Variants in MYO16 observed in about 807,000 individuals in gnomAD.
The protein encoded by MYO16 is unconventional myosin-XVI.
MYO16 carries 94 observed loss-of-function variants against 205.3 expected under a neutral mutation model. That is an observed-to-expected ratio of 0.46 (90% CI 0.39 to 0.54). The LOEUF is 0.54. Among genes scored for constraint, MYO16 ranks in the 20% least tolerant of loss-of-function variants. MYO16 has a pLI of 0.00. For missense variants in MYO16, 2,315 were observed against 2,387.5 expected (o/e 0.97, Z 0.63); for synonymous variants, 988 against 954.0 (o/e 1.04, Z -0.66).
At chr13:108,745,956 G>A (rs1885047127) in intron 4 of MYO16, among the ~76,000 whole-genome samples, 1 of 152,268 alleles carries the variant, frequency 6.6e-6, no homozygotes, top group East Asian at 1.9e-4. Context: ...GGGAGGCCGA[G>A]GCGGGCAGAT....
At position 108,832,633 on chromosome 13, in the gene MYO16, A is replaced by C. The variant is rs572396496; in HGVS notation, c.1097+9355A>C. On this transcript the variant is annotated intron_variant, in intron 9 of 34. Transcript: ENST00000457511. Reference sequence around the variant, plus strand: ...CCTTAAGTTCTACTTTCGCAGAATCAGAAAACTGTGGCATAAAATTTCTTG... The same window carrying C: ...CCTTAAGTTCTACTTTCGCAGAATCCGAAAACTGTGGCATAAAATTTCTTG... Among the ~76,000 whole-genome samples the C allele has an allele frequency of 1.2e-3, 176 of 152,300 alleles. 3 individuals are homozygous for C. Among genetic ancestry groups the C allele is most frequent in the African/African-American group, 3.9e-3 (161 of 41,564 alleles).
At chr13:108,751,824 T>C (rs1885248113) in intron 4 of MYO16, among the ~76,000 whole-genome samples, 1 of 152,106 alleles carries the variant, frequency 6.6e-6, no homozygotes, top group Non-Finnish European at 1.5e-5. Context: ...TCAAAATTCA[T>C]CACTAGGGCT....
At chr13:108,798,794 C>T (rs7326193) in intron 6 of MYO16, among the ~76,000 whole-genome samples, 57,160 of 143,080 alleles carry the variant, frequency 0.4, 11,724 homozygotes, top group Middle Eastern at 0.51. Flanking sequence ...CAAGCTCCGC[C>T]TCCCGGGTTC....
At chr13:108,903,012 C>T (rs957485500) in intron 15 of MYO16, among the ~76,000 whole-genome samples, 2 of 152,196 alleles carry the variant, frequency 1.3e-5, no homozygotes, top group African/African-American at 4.8e-5. Flanking sequence ...TTCAGTGTAT[C>T]CACGATGTCT....
intron 24 of MYO16, 121 bp downstream of exon 24, chr13:109,047,112 T>C: frequency 1.4e-6 from 1 of 701,958 alleles, no homozygotes; most frequent in South Asian, 1.8e-5. Context: ...AAATGCCTTT[T>C]GCATTCTAAT....
At chr13:108,617,734 G>A (rs1253795711) in intron 1 of MYO16, among the ~76,000 whole-genome samples, 1 of 152,146 alleles carries the variant, frequency 6.6e-6, no homozygotes, top group African/African-American at 2.4e-5. Flanking sequence ...GCTGTGCATA[G>A]CAGAAGCCCT....
At chr13:108,540,276 T>C in the MYO16 span, among the ~76,000 whole-genome samples, 1 of 152,184 alleles carries the variant, frequency 6.6e-6, no homozygotes, top group African/African-American at 2.4e-5. Context: ...GGCTATGCCA[T>C]ATGAATTTTA....
At chr13:108,993,298 T>C (rs1884899096) in intron 21 of MYO16, among the ~76,000 whole-genome samples, 1 of 152,100 alleles carries the variant, frequency 6.6e-6, no homozygotes, top group South Asian at 2.1e-4. Context: ...ATGAAGACTC[T>C]ATAGTGAACT....
intron 27 of MYO16, among the ~76,000 whole-genome samples, chr13:109,064,642 T>C (rs977792025): frequency 6.6e-6 from 1 of 152,104 alleles, no homozygotes; most frequent in Non-Finnish European, 1.5e-5. Context: ...GGGATTCAGG[T>C]TTAAAGACTA....
intron 5 of MYO16, among the ~76,000 whole-genome samples, chr13:108,790,639 TTC>T (rs1236096072): frequency 6.6e-6 from 1 of 152,132 alleles, no homozygotes; most frequent in Non-Finnish European, 1.5e-5. Flanking sequence ...GAGAGGGAGT[TTC>T]TGTTGTGTTG....
intron 23 of MYO16, among the ~76,000 whole-genome samples, chr13:109,042,115 C>T (rs954171148): frequency 6.6e-5 from 10 of 152,128 alleles, no homozygotes; most frequent in Non-Finnish European, 1.2e-4. Context: ...CCACCCGCCT[C>T]GGCCTCCAAA....
At chr13:109,114,559 G>A (rs1191284655) in intron 28 of MYO16, among the ~76,000 whole-genome samples, 1 of 152,130 alleles carries the variant, frequency 6.6e-6, no homozygotes, top group African/African-American at 2.4e-5. Flanking sequence ...TGTGGGTTAT[G>A]GGCACTCTGT....
chr13:108,968,603 G>A (rs1330842038), intron 20 of MYO16, among the ~76,000 whole-genome samples: 2 of 152,082 alleles, frequency 1.3e-5, no homozygotes, highest in African/African-American at 4.8e-5. Context: ...TCCCACCTGG[G>A]CAACAAGAGC....
intron 20 of MYO16, among the ~76,000 whole-genome samples, chr13:108,975,195 T>C (rs909788983): frequency 5.3e-5 from 8 of 152,034 alleles, no homozygotes; most frequent in Non-Finnish European, 8.8e-5. Context: ...TTTTTGTTTT[T>C]TTTTTTATTA....
intron 30 of MYO16, among the ~76,000 whole-genome samples, chr13:109,126,082 G>T (rs548197798): frequency 5.5e-4 from 84 of 152,280 alleles, no homozygotes; most frequent in Non-Finnish European, 1.1e-3. Flanking sequence ...TTTTGCTATA[G>T]AAACTTGGTA....
rs973842246 is a variant in MYO16, at chr13:108,948,766, C to A, written c.1926-8922C>A. On this transcript the variant is annotated intron_variant, in intron 16 of 34. Coordinates refer to ENST00000457511, the MANE Select transcript of MYO16 (RefSeq NM_001198950.3). ...CTCCTCTGTTCAAAAGGAAAACCCT[C>A]CTGTGATTTAGTCCATGGCTTAATC... 3.3e-5 allele frequency among the ~76,000 whole-genome samples: 5 copies of A among 152,204 alleles called. No homozygotes were observed. The South Asian group carries it at 8.3e-4, about 25-fold the overall frequency.
In MYO16 at chr13:109,096,005, C is replaced by T. The variant is rs73618377; in HGVS notation, c.3336-4780C>T. Reference sequence around the variant, plus strand: ...GTTGTCATCAAAACTGTAGCAACGGCGATGAAGAGCTTGGCCCTGGAGTTA... The same window carrying T: ...GTTGTCATCAAAACTGTAGCAACGGTGATGAAGAGCTTGGCCCTGGAGTTA... On this transcript the variant is annotated intron_variant, in intron 27 of 34. Transcript: ENST00000457511. Among the ~76,000 whole-genome samples, 659 of 152,282 alleles carry T rather than the reference C, an allele frequency of 4.3e-3. 5 individuals carry two copies. Among genetic ancestry groups the T allele is most frequent in the African/African-American group, 0.014 (601 of 41,564 alleles).
At chr13:108,753,339 C>G (rs898401442) in intron 4 of MYO16, among the ~76,000 whole-genome samples, 1 of 134,366 alleles carries the variant, frequency 7.4e-6, no homozygotes, top group Non-Finnish European at 1.5e-5. Context: ...CACTGCACTC[C>G]AGCCTGGGCA....
intron 20 of MYO16, among the ~76,000 whole-genome samples, chr13:108,969,588 A>G (rs1330735257): frequency 6.6e-6 from 1 of 152,166 alleles, no homozygotes; most frequent in East Asian, 1.9e-4. Flanking sequence ...CATCACCTCC[A>G]CTCGGGTGTT....
Sources: allele counts gnomAD v4.1 joint callset (sites outside exome capture counted in the v4.1 genomes callset), GRCh38; gene constraint gnomAD v4.1.1; transcripts MANE v1.5; gene names NCBI Gene and HGNC (gene_info 2026-07-23, HGNC 2026-07-21).